The following LYST variants were observed in gnomAD, a reference collection of about 807,000 sequenced individuals.
LYST encodes lysosomal-trafficking regulator.
A neutral mutation model predicts 413.6 loss-of-function variants in LYST; 192 were observed. That is an observed-to-expected ratio of 0.46 (90% CI 0.41 to 0.52). LYST has a LOEUF of 0.52. LYST is among the 20% of genes least tolerant of loss of function. The pLI is 0.00. For missense variants in LYST, 3,815 were observed against 4,499.9 expected (o/e 0.85, Z 4.35); for synonymous variants, 1,525 against 1,567.3 (o/e 0.97, Z 0.64).
intron 20 of LYST, among the ~76,000 whole-genome samples, chr1:235,766,510 T>C (rs1012298734): frequency 6.6e-6 from 1 of 152,128 alleles, no homozygotes; most frequent in Admixed American, 6.5e-5. Context: ...AGCCCATGTA[T>C]CTTAATTAAC....
intron 16 of LYST, among the ~76,000 whole-genome samples, chr1:235,778,261 G>A (rs1669512566): frequency 6.6e-6 from 1 of 151,404 alleles, no homozygotes; most frequent in African/African-American, 2.4e-5. Flanking sequence ...TGTACTTTAA[G>A]GTGGTTTTAA....
chr1:235,806,100 CT>C lies in LYST; in HGVS notation c.3035del (p.Lys1012ArgfsTer7), dbSNP rs1329068698. 6.2e-7 allele frequency: 1 copy of C among 1,613,648 alleles called. No homozygotes were observed. The highest frequency in any genetic ancestry group is 8.5e-7 in the Non-Finnish European group (1 of 1,179,868). On this transcript the variant is annotated frameshift_variant, in exon 6 of 53. Coordinates refer to ENST00000389793, the MANE Select transcript of LYST (RefSeq NM_000081.4). LOFTEE classifies it high-confidence loss of function. ...FRSHKEEQGK[K>X]EGDTSVNENQ... Reference sequence around the variant, plus strand: ...TTTCATTTACACTTGTATCTCCCTCCTTTTTTCCTTGCTCCTCTTTGTGACT... The same window carrying C: ...TTTCATTTACACTTGTATCTCCCTCCTTTTTCCTTGCTCCTCTTTGTGACT...
In LYST at chr1:235,759,551, A is replaced by G. The variant is rs1667377545; in HGVS notation, c.6302T>C (p.Leu2101Pro). Residue 2101 changes from leucine to proline, a missense_variant, in exon 23 of 53, where the codon CTG becomes CCG. Physicochemically the swap from Leu to Pro is moderately conservative, Grantham distance 98. Around this residue, in one of 4 missense-constraint regions of LYST, gnomAD observed 530 missense variants for 696.5 expected, o/e 0.76. Transcript: ENST00000389793. ...GAATGCTGGTAGGCTTCTAGAACGCAGCATATGGGCGGCCATCTGTTGTGG... is the reference window on the plus strand; with the variant it reads ...GAATGCTGGTAGGCTTCTAGAACGCGGCATATGGGCGGCCATCTGTTGTGG... ...IIPQQMAAHM[L>P]RSRSLPAFPT... The G allele has an allele frequency of 1.9e-6, 3 of 1,613,862 alleles. No individual in the cohort carries two copies. The highest frequency in any genetic ancestry group is 2.2e-5 in the East Asian group (1 of 44,872).
intron 10 of LYST, among the ~76,000 whole-genome samples, chr1:235,798,575 T>C (rs113694121): frequency 0.088 from 3,142 of 35,900 alleles, 236 homozygotes; most frequent in African/African-American, 0.23. Flanking sequence ...CAAAACCCTG[T>C]CATAAAAAAA....
rs201026377 is a variant in LYST at position 235,810,133 on chromosome 1, G to T, written c.685C>A (p.Pro229Thr). 3.7e-6 allele frequency: 6 copies of T among 1,614,128 alleles called. No individual in the cohort carries two copies. The Admixed American group carries it at 1.0e-4, about 27-fold the overall frequency. The change falls in exon 5 of 53, where the codon CCA (proline) becomes ACA (threonine). Residue 229 changes from proline to threonine, a missense_variant. By Grantham distance (38) the Pro-to-Thr change is conservative. This residue lies in a region of LYST where 1,648 missense variants were observed against 1,810.3 expected (regional missense o/e 0.91). Coordinates refer to ENST00000389793, the MANE Select transcript of LYST (RefSeq NM_000081.4). ...ATGTCAGTGTTTGACCCCTGTCTTG[G>T]AATAATCTCTCTGGAATTTTCCAAA... Reference protein sequence around the residue: ...MALENSREIIPRQGSNTDILS... With the variant: ...MALENSREIITRQGSNTDILS...
chr1:235,701,936 C>A (rs1661585036), intron 45 of LYST, among the ~76,000 whole-genome samples: 2 of 152,148 alleles, frequency 1.3e-5, no homozygotes. Context: ...AGTAATATTA[C>A]AAGGAATAAT....
chr1:235,766,837 A>C (rs948264204), intron 20 of LYST, among the ~76,000 whole-genome samples: 4 of 152,086 alleles, frequency 2.6e-5, no homozygotes, highest in African/African-American at 9.7e-5. Context: ...ACTATTAGTA[A>C]TATTAGTATA....
At position 235,775,008 on chromosome 1, in the gene LYST, G is replaced by C; in HGVS notation, c.5539C>G (p.Gln1847Glu). The C allele has an allele frequency of 6.2e-7, 1 of 1,609,704 alleles. No homozygotes were observed. The highest frequency in any genetic ancestry group is 8.5e-7 in the Non-Finnish European group (1 of 1,177,170). ...VILSLIKYNQ[Q>E]RVHELENCNG... ...CAATTTTCTAATTCATGTACTCTTT[G>C]TTGGTTGTATTTAATTAATGAGAGT... is the stretch of plus-strand genomic sequence containing the variant. Residue 1847 changes from glutamine (Q) to glutamate (E), a missense_variant, in exon 18 of 53, where the codon CAA becomes GAA. Coordinates refer to ENST00000389793, the MANE Select transcript of LYST (RefSeq NM_000081.4).
intron 1 of LYST, among the ~76,000 whole-genome samples, chr1:235,861,003 AT>A (rs1164537760): frequency 6.6e-6 from 1 of 151,320 alleles, no homozygotes; most frequent in Non-Finnish European, 1.5e-5. Flanking sequence ...TTATTTTGAG[AT>A]TTATCCATGT....
chr1:235,769,166 C>T (rs1668419184), intron 20 of LYST, among the ~76,000 whole-genome samples: 1 of 151,968 alleles, frequency 6.6e-6, no homozygotes, highest in Non-Finnish European at 1.5e-5. Flanking sequence ...GGGAAGGTAT[C>T]TCTCAGGAAG....
intron 1 of LYST, among the ~76,000 whole-genome samples, chr1:235,877,471 G>C (rs945379271): frequency 1.3e-5 from 2 of 152,108 alleles, no homozygotes; most frequent in African/African-American, 4.8e-5. Flanking sequence ...GCAATGACAC[G>C]ATCTCCCTCA....
Position 235,800,319 on chromosome 1 carries a change from C to A in LYST, c.4006+1G>T. The stretch of plus-strand genomic sequence containing the variant: ...TATTGTTTAAAACAGTTTCAACTTA[C>A]CTTGAAAATCAGAATCATCCTGTGT... On this transcript the variant is annotated splice_donor_variant, in intron 10 of 52. Coordinates refer to ENST00000389793, the MANE Select transcript of LYST (RefSeq NM_000081.4). LOFTEE classifies it high-confidence loss of function. The A allele has an allele frequency of 3.8e-6, 6 of 1,562,476 alleles. No homozygotes were observed. Among genetic ancestry groups the A allele is most frequent in the Non-Finnish European group, 5.3e-6 (6 of 1,133,306 alleles).
intron 22 of LYST, among the ~76,000 whole-genome samples, chr1:235,760,888 T>C (rs922249914): frequency 5.3e-5 from 8 of 152,224 alleles, no homozygotes; most frequent in African/African-American, 1.9e-4. Context: ...GGGGGTATGA[T>C]TGTATTTGAA....
rs909022948 is a variant in LYST at position 235,875,725 on chromosome 1, T to C, written n.454+7462A>G. On this transcript the variant is annotated intron_variant and non_coding_transcript_variant, in intron 1 of 11. Coordinates refer to the LYST transcript ENST00000465349. ...CAGGCATGGTGACACACGCCTGTGGTCCCAGCTACTTGGAAGCCTGAGGCA... is the reference window on the plus strand; with the variant it reads ...CAGGCATGGTGACACACGCCTGTGGCCCCAGCTACTTGGAAGCCTGAGGCA... Among the ~76,000 whole-genome samples the C allele has an allele frequency of 4.0e-5, 6 of 151,382 alleles. No individual in the cohort carries two copies. The South Asian group carries it at 8.4e-4, about 21-fold the overall frequency.
chr1:235,707,717 G>A (rs936232441), intron 44 of LYST, among the ~76,000 whole-genome samples: 1 of 152,136 alleles, frequency 6.6e-6, no homozygotes, highest in Non-Finnish European at 1.5e-5. Context: ...AATAACCATA[G>A]AAATATTAAT....
At chr1:235,729,021 T>C (rs768178180) in intron 37 of LYST, among the ~76,000 whole-genome samples, 1 of 152,184 alleles carries the variant, frequency 6.6e-6, no homozygotes, top group Non-Finnish European at 1.5e-5. Context: ...ATGCTACTAA[T>C]TCAGGGTTCT....
At chr1:235,769,670 G>A (rs1668469332) in intron 20 of LYST, among the ~76,000 whole-genome samples, 1 of 151,528 alleles carries the variant, frequency 6.6e-6, no homozygotes, top group Admixed American at 6.6e-5. Flanking sequence ...TAACTAAAAG[G>A]GCCACAGCAT....
intron 47 of LYST, among the ~76,000 whole-genome samples, chr1:235,688,965 C>A (rs373690076): frequency 4.0e-5 from 6 of 149,716 alleles, no homozygotes; most frequent in African/African-American, 1.2e-4. Context: ...AGCCTGGCAA[C>A]AGAGTGAGAC....
intron 1 of LYST, among the ~76,000 whole-genome samples, chr1:235,876,081 G>A (rs1681122497): frequency 6.6e-6 from 1 of 152,008 alleles, no homozygotes; most frequent in South Asian, 2.1e-4. Context: ...AAATTAGCCA[G>A]GCATGGTGGC....
Sources: gnomAD v4.1 joint callset for allele counts (sites outside exome capture counted in the v4.1 genomes callset) on GRCh38, gnomAD v4.1.1 for gene constraint, gnomAD v4.1.1 regional missense constraint, MANE v1.5 for transcripts, NCBI Gene and HGNC (gene_info 2026-07-23, HGNC 2026-07-21) for gene names.